TXLNB: variants seen among roughly 807,000 people sequenced by gnomAD.
TXLNB encodes beta-taxilin.
A neutral mutation model predicts 57.4 loss-of-function variants in TXLNB; 37 were observed. The ratio of observed to expected loss-of-function variants is 0.64; its 90% CI spans 0.50 to 0.85. The LOEUF (loss-of-function observed/expected upper bound fraction) is 0.85. Among genes scored for constraint, TXLNB ranks in the 40% least tolerant of loss-of-function variants. TXLNB has a pLI of 0.00. For missense variants in TXLNB, 848 were observed against 825.6 expected (o/e 1.03, Z -0.33); for synonymous variants, 302 against 309.6 (o/e 0.98, Z 0.26).
At chr6:139,268,698 A>T (rs1361527775) in intron 4 of TXLNB, among the ~76,000 whole-genome samples, 2 of 152,224 alleles carry the variant, frequency 1.3e-5, no homozygotes, top group African/African-American at 4.8e-5. Context: ...TATCATGAAG[A>T]TTAAATGAAA....
intron 5 of TXLNB, among the ~76,000 whole-genome samples, chr6:139,262,028 C>T (rs1056508086): frequency 4.0e-5 from 6 of 151,070 alleles, no homozygotes; most frequent in Non-Finnish European, 2.9e-5. Flanking sequence ...CTCAGCCTCT[C>T]GAGTAGCTGG....
chr6:139,251,516 C>T (rs562582577), intron 7 of TXLNB: 1 of 152,232 alleles, frequency 6.6e-6, no homozygotes, highest in African/African-American at 2.4e-5. Context: ...CTCTCACTAT[C>T]GTGCTGACAG....
chr6:139,207,586 GAACA>G, the TXLNB span, among the ~76,000 whole-genome samples: 2 of 151,946 alleles, frequency 1.3e-5, no homozygotes, highest in Non-Finnish European at 2.9e-5. Context: ...AGAGAAACAA[GAACA>G]AACTAAATAC....
upstream of TXLNB, among the ~76,000 whole-genome samples, chr6:139,296,172 G>A (rs1777385713): frequency 6.6e-6 from 1 of 152,002 alleles, no homozygotes; most frequent in Admixed American, 6.6e-5. Context: ...CTCTTTCTTG[G>A]TTTAATTCCT....
chr6:139,236,324 G>A (rs1423952412), downstream of TXLNB, among the ~76,000 whole-genome samples: 7 of 152,146 alleles, frequency 4.6e-5, no homozygotes, highest in Non-Finnish European at 7.3e-5. Context: ...AGATGCTGCT[G>A]TGGAGTCAGT....
intron 5 of TXLNB, among the ~76,000 whole-genome samples, chr6:139,262,053 A>G (rs367660908): frequency 6.6e-6 from 1 of 151,348 alleles, no homozygotes; most frequent in African/African-American, 2.4e-5. Flanking sequence ...ACAGGCGCCC[A>G]CCACCACGCC....
chr6:139,166,816 C>T, the TXLNB span: 1 of 1,613,660 alleles, frequency 6.2e-7, no homozygotes, highest in Admixed American at 1.7e-5. Context: ...CCGGTGGCTC[C>T]CCGGGCCAGT....
intron 2 of TXLNB, among the ~76,000 whole-genome samples, chr6:139,280,317 T>C (rs1777016129): frequency 6.8e-6 from 1 of 147,950 alleles, no homozygotes; most frequent in Non-Finnish European, 1.5e-5. Flanking sequence ...TAAAGGCAAC[T>C]AAGCCAGCTG....
At chr6:139,191,674 A>G in the TXLNB span, among the ~76,000 whole-genome samples, 15 of 152,130 alleles carry the variant, frequency 9.9e-5, no homozygotes, top group African/African-American at 3.6e-4. Flanking sequence ...ATTTCAACAA[A>G]TGATTTAAAT....
chr6:139,323,401 G>A, the TXLNB span, among the ~76,000 whole-genome samples: 2 of 151,126 alleles, frequency 1.3e-5, no homozygotes, highest in Admixed American at 1.3e-4. Context: ...TCCTGCCTCA[G>A]CCTCCCGAGT....
downstream of TXLNB, chr6:139,237,507 T>TAAAAAA (rs58158274): frequency 1.7e-4 from 13 of 77,502 alleles, no homozygotes; most frequent in South Asian, 3.7e-4. Flanking sequence ...AGACTCCATC[T>TAAAAAA]AAAAAAAAAA....
the TXLNB span, among the ~76,000 whole-genome samples, chr6:139,312,438 C>A: frequency 3.9e-5 from 6 of 152,178 alleles, no homozygotes; most frequent in Admixed American, 3.9e-4. Flanking sequence ...TATGAGGATT[C>A]TGAAGTTAAG....
At chr6:139,187,162 T>C in the TXLNB span, among the ~76,000 whole-genome samples, 5 of 152,326 alleles carry the variant, frequency 3.3e-5, no homozygotes, top group Middle Eastern at 3.4e-3. Flanking sequence ...TTCTCCCCCC[T>C]GCACCTCCCT....
Position 139,285,717 on chromosome 6 carries a change from G to A in TXLNB, c.424+2759C>T, listed in dbSNP as rs186689434. 8.3e-4 allele frequency among the ~76,000 whole-genome samples: 120 copies of A among 145,152 alleles called. 12 individuals carry two copies. Among genetic ancestry groups the A allele is most frequent in the African/African-American group, 2.9e-3 (114 of 39,496 alleles). On this transcript the variant is annotated intron_variant, in intron 2 of 9. Coordinates refer to ENST00000358430, the MANE Select transcript of TXLNB (RefSeq NM_153235.4). ...CTGTAGGAAAATAGCCCCTTGCATG[G>A]CAAGAGTGATGCCATCGTAAAGCAA... is the stretch of plus-strand genomic sequence containing the variant.
At chr6:139,197,240 T>C in the TXLNB span, among the ~76,000 whole-genome samples, 4 of 152,340 alleles carry the variant, frequency 2.6e-5, no homozygotes, top group East Asian at 7.7e-4. Context: ...TAACCTCCTA[T>C]TTCCCCTACT....
intron 4 of TXLNB, among the ~76,000 whole-genome samples, chr6:139,264,069 T>C (rs1776552433): frequency 6.6e-6 from 1 of 152,224 alleles, no homozygotes; most frequent in African/African-American, 2.4e-5. Context: ...GATGTCAGAA[T>C]CATAATTTAT....
intron 8 of TXLNB, among the ~76,000 whole-genome samples, chr6:139,245,075 A>G (rs1277234724): frequency 6.6e-6 from 1 of 152,236 alleles, no homozygotes; most frequent in African/African-American, 2.4e-5. Flanking sequence ...CTTTTTAGCC[A>G]TTAAAATGTT....
At chr6:139,200,594 T>C in the TXLNB span, among the ~76,000 whole-genome samples, 1 of 152,072 alleles carries the variant, frequency 6.6e-6, no homozygotes, top group Admixed American at 6.6e-5. Flanking sequence ...CTGGTGACCA[T>C]GTAGTGAGAG....
the TXLNB span, among the ~76,000 whole-genome samples, chr6:139,190,700 A>G: frequency 6.6e-6 from 1 of 152,148 alleles, no homozygotes; most frequent in South Asian, 2.1e-4. Context: ...AAGGGCACCA[A>G]ACTCATTCTG....
Sources: gnomAD v4.1 joint callset for allele counts (sites outside exome capture counted in the v4.1 genomes callset) on GRCh38, gnomAD v4.1.1 for gene constraint, MANE v1.5 for transcripts, NCBI Gene and HGNC (gene_info 2026-07-23, HGNC 2026-07-21) for gene names.